Variants in SNRPC observed in about 807,000 individuals in gnomAD.
SNRPC encodes U1 small nuclear ribonucleoprotein C.
Under a neutral mutation model 20.0 loss-of-function variants are expected in SNRPC, and 5 were observed. The observed-to-expected ratio is 0.25, with a 90% CI of 0.13 to 0.53. The LOEUF (loss-of-function observed/expected upper bound fraction) is 0.53. Among genes scored for constraint, SNRPC ranks in the 20% least tolerant of loss-of-function variants. The pLI is 0.96. For synonymous variants in SNRPC, 61 were observed against 58.7 expected (o/e 1.04, Z -0.18); for missense variants, 112 against 224.1 (o/e 0.50, Z 3.19).
chr6:34,762,778 C>A, intron 3 of SNRPC, 75 bp downstream of exon 3: 1 of 752,690 alleles, frequency 1.3e-6, no homozygotes, highest in Non-Finnish European at 2.3e-6. Flanking sequence ...GTGTTTTTCA[C>A]AGAGGCAACT....
intron 5 of SNRPC, among the ~76,000 whole-genome samples, chr6:34,771,109 A>T (rs1284290216): frequency 2.0e-5 from 3 of 152,182 alleles, no homozygotes; most frequent in African/African-American, 7.2e-5. Context: ...CAGGCAGATC[A>T]CGAGGTCAAG....
intron 3 of SNRPC, among the ~76,000 whole-genome samples, chr6:34,766,311 C>A (rs1764612908): frequency 6.6e-6 from 1 of 152,152 alleles, no homozygotes; most frequent in Admixed American, 6.6e-5. Context: ...AGCATTCCTC[C>A]TGCCTCAGCC....
In SNRPC at chr6:34,770,419, T is replaced by C. The variant is rs201621370; in HGVS notation, c.355+24T>C. 130 of 1,468,198 alleles carry C rather than the reference T, an allele frequency of 8.9e-5. No homozygotes were observed. The African/African-American group carries it at 1.5e-3, about 17-fold the overall frequency. 90.9% of individuals were successfully genotyped at this position (1,468,198 alleles called of 1,614,324 possible). ...TGGTAAGTTTGAATGTCTGTCTTTC[T>C]AGTTTGTTCCATTTAGTTTAGTTAC... On this transcript the variant is annotated intron_variant, in intron 5 of 5. Transcript: ENST00000244520.
chr6:34,770,077 C>G (rs1764667515), intron 4 of SNRPC, among the ~76,000 whole-genome samples: 1 of 152,216 alleles, frequency 6.6e-6, no homozygotes, highest in African/African-American at 2.4e-5. Context: ...ACAAAATTAG[C>G]TGGGCGTGGT....
Position 34,767,946 on chromosome 6 carries a change from T to A in SNRPC, c.199T>A (p.Phe67Ile). The change falls in exon 4 of 6, where the codon TTC (phenylalanine) becomes ATC (isoleucine). Residue 67 changes from phenylalanine (F) to isoleucine (I), a missense_variant. Transcript: ENST00000244520. ...FQQGKIPPTP[F>I]SAPPPAGAMI... The stretch of plus-strand genomic sequence containing the variant: ...ACAAGGAAAGATACCTCCTACTCCA[T>A]TCTCTGCTCCTCCTCCTGCAGGGGC... 1 of 1,608,446 alleles carries A rather than the reference T, an allele frequency of 6.2e-7. No individual in the cohort carries two copies. The highest frequency in any genetic ancestry group is 8.5e-7 in the Non-Finnish European group (1 of 1,177,712).
At chr6:34,771,055 G>A (rs938729055) in intron 5 of SNRPC, among the ~76,000 whole-genome samples, 5 of 152,256 alleles carry the variant, frequency 3.3e-5, no homozygotes, top group Middle Eastern at 3.4e-3. Context: ...TAGGCCAGGC[G>A]CGGTGGCTCA....
chr6:34,758,443 G>A (rs566557540), intron 2 of SNRPC, among the ~76,000 whole-genome samples: 1 of 152,170 alleles, frequency 6.6e-6, no homozygotes, highest in Non-Finnish European at 1.5e-5. Flanking sequence ...AGCCTCCCGA[G>A]TAGCTGGGAT....
At position 34,758,717 on chromosome 6, in the gene SNRPC, T is replaced by C. The variant is rs111370028; in HGVS notation, c.51+763T>C. On this transcript the variant is annotated intron_variant, in intron 2 of 5. Transcript: ENST00000244520. ...TAATGTGCATTGGTTATTTGGAAAA[T>C]GTTGATTGACTTGAGTTAGTGCCAG... Among the ~76,000 whole-genome samples, 1,282 of 151,994 alleles carry C rather than the reference T, an allele frequency of 8.4e-3. 19 individuals are homozygous for C. The highest frequency in any genetic ancestry group is 0.027 in the African/African-American group (1,117 of 41,458).
At chr6:34,758,079 A>G (rs1424643304) in intron 2 of SNRPC, 125 bp downstream of exon 2, 5 of 1,012,950 alleles carry the variant, frequency 4.9e-6, no homozygotes, top group East Asian at 2.4e-5. Context: ...TACTCCTTGA[A>G]GAAAATAATT....
chr6:34,760,351 G>T (rs889265203), intron 2 of SNRPC, among the ~76,000 whole-genome samples: 4 of 152,012 alleles, frequency 2.6e-5, no homozygotes, highest in African/African-American at 9.6e-5. Context: ...CAAAGTGCTG[G>T]GAGTGAGTCA....
In SNRPC at chr6:34,757,967, T is replaced by C. The variant is rs756189414; in HGVS notation, c.51+13T>C. 6.2e-7 allele frequency: 1 copy of C among 1,603,732 alleles called. No individual in the cohort carries two copies. The highest frequency in any genetic ancestry group is 8.5e-7 in the Non-Finnish European group (1 of 1,177,852). ...CACCCATGACTCTGTAAGTGGCATA[T>C]CTATTCATAGTTTCAAAAAGCCTTA... On this transcript the variant is annotated intron_variant, in intron 2 of 5. Transcript: ENST00000244520.
chr6:34,759,032 A>G lies in SNRPC; in HGVS notation c.51+1078A>G, dbSNP rs533447452. ...GAGACTCCGTCTCAAAAAAAAAAAA[A>G]AAAAAAAAAAAAAGAAAAGAAAACC... On this transcript the variant is annotated intron_variant, in intron 2 of 5. Transcript: ENST00000244520. Among the ~76,000 whole-genome samples the G allele has an allele frequency of 4.1e-3, 608 of 149,770 alleles. 11 individuals carry two copies. Among genetic ancestry groups the G allele is most frequent in the Middle Eastern group, 0.027 (8 of 292 alleles).
At chr6:34,761,574 G>A (rs923447125) in intron 2 of SNRPC, among the ~76,000 whole-genome samples, 2 of 130,440 alleles carry the variant, frequency 1.5e-5, no homozygotes, top group African/African-American at 6.1e-5. Context: ...AGGTTGGAGT[G>A]CAATGGCATG....
intron 3 of SNRPC, 116 bp from the exon 4 acceptor site, chr6:34,767,792 T>C (rs1031942851): frequency 1.9e-6 from 2 of 1,051,870 alleles, no homozygotes; most frequent in African/African-American, 3.3e-5. Context: ...AGATGACAAC[T>C]AGCAAGAGTA....
In SNRPC at chr6:34,769,412, C is replaced by T. The variant is rs776977859; in HGVS notation, c.251-879C>T. Among the ~76,000 whole-genome samples, 14 of 151,868 alleles carry T rather than the reference C, an allele frequency of 9.2e-5. No homozygotes were observed. The East Asian group carries it at 2.3e-3, about 25-fold the overall frequency. On this transcript the variant is annotated intron_variant, in intron 4 of 5. Coordinates refer to ENST00000244520, the MANE Select transcript of SNRPC (RefSeq NM_003093.3). ...TTTGCCATGTTGGCCAGGCTGGTTC[C>T]GAACTCCTGACCTCCTGTGATCTGC...
intron 3 of SNRPC, among the ~76,000 whole-genome samples, chr6:34,765,847 T>G (rs1388214222): frequency 6.6e-6 from 1 of 152,038 alleles, no homozygotes; most frequent in African/African-American, 2.4e-5. Context: ...CAGGTGATCC[T>G]CCGGTCTTGG....
rs542583256 is a variant in SNRPC at position 34,765,752 on chromosome 6, T to G, written c.161-2156T>G. Among the ~76,000 whole-genome samples, 14 of 151,738 alleles carry G rather than the reference T, an allele frequency of 9.2e-5. No individual in the cohort carries two copies. The South Asian group carries it at 1.9e-3, about 20-fold the overall frequency. ...GCCACCATGCCCAGTCACAATTTTT[T>G]TTTTAGAACTGAGTCTCACTCTGTT... On this transcript the variant is annotated intron_variant, in intron 3 of 5. Coordinates refer to ENST00000244520, the MANE Select transcript of SNRPC (RefSeq NM_003093.3).
At position 34,773,517 on chromosome 6, in the gene SNRPC, G is replaced by C. The variant is rs761940118; in HGVS notation, c.427G>C (p.Ala143Pro). ...MPGPPMMRPPARPMMVPTRPG... is the reference protein window; with the variant it reads ...MPGPPMMRPPPRPMMVPTRPG... ...TGGGCCCCCAATGATGAGACCTCCT[G>C]CCCGTCCCATGATGGTGCCCACTCG... The change falls in exon 6 of 6, where the codon GCC (alanine) becomes CCC (proline). Residue 143 changes from alanine (A) to proline (P), a missense_variant. Around this residue, in one of 3 missense-constraint regions of SNRPC, gnomAD observed 57 missense variants for 121.0 expected, o/e 0.47. Transcript: ENST00000244520. The surrounding 1 kb of genome is among the most constrained non-coding windows in gnomAD (Gnocchi z 4.1). 1.2e-6 allele frequency: 2 copies of C among 1,613,762 alleles called. No homozygotes were observed. Among genetic ancestry groups the C allele is most frequent in the Non-Finnish European group, 1.7e-6 (2 of 1,179,884 alleles).
intron 1 of SNRPC, 102 bp from the exon 2 acceptor site, chr6:34,757,810 G>A: frequency 6.2e-7 from 1 of 1,604,714 alleles, no homozygotes; most frequent in Non-Finnish European, 8.5e-7. Flanking sequence ...CTGGCTTTTT[G>A]TTTTGTTTGT....
Sources: gnomAD v4.1 joint callset for allele counts (sites outside exome capture counted in the v4.1 genomes callset) on GRCh38, gnomAD v4.1.1 for gene constraint, gnomAD v4.1.1 regional missense constraint, Gnocchi (gnomAD v3.1) non-coding constraint, MANE v1.5 for transcripts, NCBI Gene and HGNC (gene_info 2026-07-23, HGNC 2026-07-21) for gene names.